Variants in DCC observed in about 807,000 individuals in gnomAD.
DCC encodes the protein netrin receptor DCC.
DCC carries 58 observed loss-of-function variants against 172.5 expected under a neutral mutation model. The ratio of observed to expected loss-of-function variants is 0.34; its 90% CI spans 0.27 to 0.42. The LOEUF (loss-of-function observed/expected upper bound fraction) is 0.42, where lower values mean the gene tolerates loss of function less well. Among genes scored for constraint, DCC ranks in the 10% least tolerant of loss-of-function variants. The probability of loss-of-function intolerance (pLI) is 1.00; values close to 1 mark genes in which losing one functional copy is unlikely to be tolerated. For synonymous variants in DCC, 709 were observed against 644.5 expected (o/e 1.10, Z -1.52); for missense variants, 1,740 against 1,791.0 (o/e 0.97, Z 0.51).
intron 1 of DCC, among the ~76,000 whole-genome samples, chr18:52,492,209 G>T (rs1333122498): frequency 6.6e-6 from 1 of 151,916 alleles, no homozygotes; most frequent in Non-Finnish European, 1.5e-5. Flanking sequence ...TAAGAAACTT[G>T]GGGGGTAGTG....
At chr18:53,201,159 G>T (rs2055530768) in intron 9 of DCC, among the ~76,000 whole-genome samples, 1 of 152,048 alleles carries the variant, frequency 6.6e-6, no homozygotes, top group Admixed American at 6.6e-5. Flanking sequence ...CAGTCCTCCT[G>T]GAGTGGTTCT....
chr18:53,130,090 T>G (rs1004820141), intron 7 of DCC, among the ~76,000 whole-genome samples: 2 of 152,190 alleles, frequency 1.3e-5, no homozygotes, highest in African/African-American at 4.8e-5. Context: ...TTTTACTTTT[T>G]GCTTGTCTAT....
At chr18:53,103,535 T>C (rs2043203274) in intron 7 of DCC, among the ~76,000 whole-genome samples, 1 of 152,060 alleles carries the variant, frequency 6.6e-6, no homozygotes, top group Non-Finnish European at 1.5e-5. Context: ...TTCTTTAAAA[T>C]AACTCATAAT....
In DCC at chr18:52,584,052, A is replaced by G. The variant is rs367875132; in HGVS notation, c.92-168002A>G. Among the ~76,000 whole-genome samples, 383 of 152,358 alleles carry G rather than the reference A, an allele frequency of 2.5e-3. 5 individuals are homozygous for G. The highest frequency in any genetic ancestry group is 0.019 in the South Asian group (94 of 4,828). ...GCATTTTTTTCATAGCTGAATTATA[A>G]TAACTGGAGAAATCTGAGGATCTGA... On this transcript the variant is annotated intron_variant, in intron 1 of 28. Coordinates refer to ENST00000442544, the MANE Select transcript of DCC (RefSeq NM_005215.4).
At chr18:53,238,658 A>G (rs934154554) in intron 12 of DCC, among the ~76,000 whole-genome samples, 12 of 152,168 alleles carry the variant, frequency 7.9e-5, no homozygotes, top group African/African-American at 2.9e-4. Context: ...ATGTAAAGAT[A>G]TATGAGAAGT....
chr18:53,069,041 C>G (rs2042615864), intron 7 of DCC, among the ~76,000 whole-genome samples: 1 of 151,970 alleles, frequency 6.6e-6, no homozygotes, highest in Non-Finnish European at 1.5e-5. Flanking sequence ...CCACTAGCCC[C>G]CAGACCGAGG....
At chr18:53,389,582 C>G in intron 16 of DCC, among the ~76,000 whole-genome samples, 1 of 152,052 alleles carries the variant, frequency 6.6e-6, no homozygotes, top group East Asian at 1.9e-4. Flanking sequence ...TAGCACAGCT[C>G]TGGAGGAAGT....
At chr18:52,429,955 A>G (rs1380145750) in intron 1 of DCC, among the ~76,000 whole-genome samples, 1 of 152,124 alleles carries the variant, frequency 6.6e-6, no homozygotes, top group African/African-American at 2.4e-5. Flanking sequence ...GATCAACAGG[A>G]TTTGAGAGGT....
chr18:52,606,900 T>A (rs748002164), intron 1 of DCC, among the ~76,000 whole-genome samples: 2 of 152,328 alleles, frequency 1.3e-5, no homozygotes, highest in African/African-American at 2.4e-5. Context: ...CTGATTAAGC[T>A]ATTATTTATG....
chr18:53,177,985 CAT>C (rs1444691171), intron 8 of DCC, among the ~76,000 whole-genome samples: 1 of 152,138 alleles, frequency 6.6e-6, no homozygotes, highest in Non-Finnish European at 1.5e-5. Flanking sequence ...AAAACCAAAA[CAT>C]ATCTGAATGG....
At chr18:52,543,396 G>T (rs1227943422) in intron 1 of DCC, among the ~76,000 whole-genome samples, 1 of 152,014 alleles carries the variant, frequency 6.6e-6, no homozygotes, top group East Asian at 1.9e-4. Flanking sequence ...CTCAATTTGG[G>T]CTAGCAACAT....
intron 2 of DCC, among the ~76,000 whole-genome samples, chr18:52,834,606 G>A (rs1435968822): frequency 2.0e-5 from 3 of 152,044 alleles, no homozygotes; most frequent in African/African-American, 4.8e-5. Context: ...AAGCTAATGT[G>A]TGCCTTCTAC....
At chr18:52,513,338 T>A (rs2031507420) in intron 1 of DCC, among the ~76,000 whole-genome samples, 1 of 152,342 alleles carries the variant, frequency 6.6e-6, no homozygotes, top group Non-Finnish European at 1.5e-5. Flanking sequence ...TTGTTAGCAG[T>A]GTGATCTTAG....
intron 1 of DCC, among the ~76,000 whole-genome samples, chr18:52,709,813 G>A (rs1318285961): frequency 6.6e-6 from 1 of 152,188 alleles, no homozygotes. Flanking sequence ...TCACAGGAAA[G>A]AAACTGTATA....
chr18:52,899,896 CAAT>C (rs1400947845), intron 2 of DCC, among the ~76,000 whole-genome samples: 2 of 152,170 alleles, frequency 1.3e-5, no homozygotes, highest in Non-Finnish European at 2.9e-5. Context: ...ATTATCTTAA[CAAT>C]GATATATATT....
At chr18:53,371,327 G>A (rs1275012527) in intron 15 of DCC, among the ~76,000 whole-genome samples, 1 of 151,978 alleles carries the variant, frequency 6.6e-6, no homozygotes, top group African/African-American at 2.4e-5. Flanking sequence ...TCTAGGGCTA[G>A]TTCATCTTGT....
At chr18:52,378,989 G>C (rs1985472185) in intron 1 of DCC, among the ~76,000 whole-genome samples, 1 of 152,104 alleles carries the variant, frequency 6.6e-6, no homozygotes, top group African/African-American at 2.4e-5. Flanking sequence ...TTGTAGGAAA[G>C]GTAAAGTATA....
chr18:52,652,425 AT>A (rs1273614754), intron 1 of DCC, among the ~76,000 whole-genome samples: 4 of 152,138 alleles, frequency 2.6e-5, no homozygotes, highest in Middle Eastern at 3.4e-3. Flanking sequence ...ATTTCTATGG[AT>A]TTTTTTTCAA....
intron 5 of DCC, among the ~76,000 whole-genome samples, chr18:53,026,273 T>A (rs1051797913): frequency 5.3e-5 from 8 of 152,268 alleles, no homozygotes; most frequent in Admixed American, 3.9e-4. Context: ...ATTGGTACAA[T>A]GTTGTTTCTT....
Sources: allele counts gnomAD v4.1 joint callset (sites outside exome capture counted in the v4.1 genomes callset), GRCh38; gene constraint gnomAD v4.1.1; transcripts MANE v1.5; gene names NCBI Gene and HGNC (gene_info 2026-07-23, HGNC 2026-07-21).